The following FAM83E variants were observed in gnomAD, a reference collection of about 807,000 sequenced individuals.
The protein encoded by FAM83E is scaffolding CK1 anchoring protein E.
FAM83E carries 29 observed loss-of-function variants against 34.3 expected under a neutral mutation model. That is an observed-to-expected ratio of 0.85 (90% CI 0.63 to 1.15). The LOEUF (loss-of-function observed/expected upper bound fraction) is 1.15, where lower values mean the gene tolerates loss of function less well. Among genes scored for constraint, FAM83E ranks in the 50% most tolerant of loss-of-function variants. The probability of loss-of-function intolerance (pLI) is 0.00; values close to 1 mark genes in which losing one functional copy is unlikely to be tolerated. For synonymous variants in FAM83E, 312 were observed against 311.6 expected, an observed-to-expected ratio of 1.00 and a Z score of -0.01; for missense variants, 697 against 685.0, an observed-to-expected ratio of 1.02 and a Z score of -0.20.
chr19:48,608,012 ACAG>A (rs1162651689), intron 5 of FAM83E, among the ~76,000 whole-genome samples: 1 of 152,208 alleles, frequency 6.6e-6, no homozygotes, highest in African/African-American at 2.4e-5. Flanking sequence ...TGGACCAGAA[ACAG>A]CAGCAGCAGC....
intron 5 of FAM83E, among the ~76,000 whole-genome samples, chr19:48,604,628 C>T (rs1470175739): frequency 3.3e-5 from 5 of 150,324 alleles, no homozygotes; most frequent in Admixed American, 6.6e-5. Flanking sequence ...CACCCGTGCC[C>T]GGCTGAGCCT....
At chr19:48,604,139 G>C (rs1379683525) in intron 5 of FAM83E, among the ~76,000 whole-genome samples, 1 of 151,954 alleles carries the variant, frequency 6.6e-6, no homozygotes. Context: ...CAGGTGTGGT[G>C]ACTCACACTT....
At position 48,613,657 on chromosome 19, in the gene FAM83E, C is replaced by T. The variant is rs908299820; in HGVS notation, c.-285G>A. ...GTGGCACCATGCCTGGCTGGCCTTC[C>T]GTGACCTTCCTGCCAGCCGTCTCTG... On this transcript the variant is annotated 5_prime_UTR_variant, in exon 3 of 7. Coordinates refer to ENST00000263266, the MANE Select transcript of FAM83E (RefSeq NM_017708.4). The T allele has an allele frequency of 7.0e-6, 9 of 1,291,094 alleles. No individual in the cohort carries two copies. Among genetic ancestry groups the T allele is most frequent in the African/African-American group, 1.5e-5 (1 of 66,752 alleles). 80.0% of individuals were successfully genotyped at this position (1,291,094 alleles called of 1,614,324 possible).
At position 48,601,124 on chromosome 19, in the gene FAM83E, A is replaced by G. The variant is rs781232256; in HGVS notation, c.1422T>C (p.Leu474=). The change falls in exon 7 of 7, where the codon CTT becomes CTC. Residue 474 remains leucine, a synonymous_variant. Transcript: ENST00000263266. The part of the protein sequence containing the change: ...RPSDWAPRAG[L]GGQP ...GGGCTCCTGTTCAGGGTTGCCCCCC[A>G]AGTCCTGCCCGGGGGGCCCAGTCTG... 6.2e-7 allele frequency: 1 copy of G among 1,611,976 alleles called. No individual in the cohort carries two copies. Among genetic ancestry groups the G allele is most frequent in the South Asian group, 1.1e-5 (1 of 90,848 alleles).
In FAM83E at chr19:48,614,242, T is replaced by C. The variant is rs1601135248; in HGVS notation, c.-870A>G. 2.0e-6 allele frequency: 2 copies of C among 985,204 alleles called. No homozygotes were observed. The highest frequency in any genetic ancestry group is 3.5e-5 in the African/African-American group (2 of 57,136). 61.0% of individuals were successfully genotyped at this position (985,204 alleles called of 1,614,324 possible). A position where few individuals can be genotyped will look rare whatever the true frequency, so the allele number is the denominator to read the frequency against. The stretch of plus-strand genomic sequence containing the variant: ...TGAAATGCGCTACAGGGGTCTCCAT[T>C]ACTATGGGACAGGTCTATGATCTTC... On this transcript the variant is annotated 5_prime_UTR_variant, in exon 3 of 7. Transcript: ENST00000263266.
In FAM83E at chr19:48,613,670, C is replaced by T; in HGVS notation, c.-298G>A. 1 of 1,269,644 alleles carries T rather than the reference C, an allele frequency of 7.9e-7. No individual in the cohort carries two copies. The highest frequency in any genetic ancestry group is 1.0e-6 in the Non-Finnish European group (1 of 1,003,198). 78.6% of individuals were successfully genotyped at this position (1,269,644 alleles called of 1,614,324 possible). A position where few individuals can be genotyped will look rare whatever the true frequency, so the allele number is the denominator to read the frequency against. On this transcript the variant is annotated 5_prime_UTR_variant, in exon 3 of 7. Transcript: ENST00000263266. Reference sequence around the variant, plus strand: ...TGGCTGGCCTTCCGTGACCTTCCTGCCAGCCGTCTCTGCTGGTCAGGTTGA... The same window carrying T: ...TGGCTGGCCTTCCGTGACCTTCCTGTCAGCCGTCTCTGCTGGTCAGGTTGA...
chr19:48,614,897 T>TGGA (rs777486682), intron 1 of FAM83E, 40 bp downstream of exon 1: 1 of 641,508 alleles, frequency 1.6e-6, no homozygotes, highest in African/African-American at 2.0e-5. Context: ...CACAGGCCCC[T>TGGA]GGAGGAGGTC....
chr19:48,614,179 A>C lies in FAM83E; in HGVS notation c.-807T>G. On this transcript the variant is annotated 5_prime_UTR_variant, in exon 3 of 7. Coordinates refer to ENST00000263266, the MANE Select transcript of FAM83E (RefSeq NM_017708.4). ...GTCAATGGGGGACCCTGCTCCCTGG[A>C]CCCTCCTCACACTCCTTCCAGCTGC... 1.0e-6 allele frequency: 1 copy of C among 985,510 alleles called. No homozygotes were observed. The highest frequency in any genetic ancestry group is 1.2e-6 in the Non-Finnish European group (1 of 830,070). The allele number at this position is 985,510 out of a possible 1,614,324, so 61.0% of individuals were successfully genotyped here. A position where few individuals can be genotyped will look rare whatever the true frequency, so the allele number is the denominator to read the frequency against.
intron 5 of FAM83E, among the ~76,000 whole-genome samples, chr19:48,605,415 A>C (rs537364301): frequency 1.3e-5 from 2 of 152,212 alleles, no homozygotes; most frequent in South Asian, 4.1e-4. Context: ...TCTATAAAAA[A>C]TTTTACAAAA....
At chr19:48,610,586 T>C (rs2147647342) in intron 4 of FAM83E, 94 bp downstream of exon 4, 2 of 1,392,080 alleles carry the variant, frequency 1.4e-6, no homozygotes, top group East Asian at 2.5e-5. Context: ...CTAGCATCCA[T>C]CTCAATGACC....
chr19:48,610,977 G>C (rs539769157), intron 3 of FAM83E, 130 bp from the exon 4 acceptor site: 2 of 945,526 alleles, frequency 2.1e-6, no homozygotes, highest in Admixed American at 2.6e-5. Flanking sequence ...TTAAAGTTCA[G>C]GTGGGCTAAA....
chr19:48,607,132 G>A (rs766174480), intron 5 of FAM83E: 6 of 1,612,810 alleles, frequency 3.7e-6, no homozygotes, highest in Middle Eastern at 1.6e-4. Flanking sequence ...CACAGGCCAC[G>A]GGGTCGCCCC....
At position 48,614,072 on chromosome 19, in the gene FAM83E, G is replaced by A. The variant is rs945582700; in HGVS notation, c.-700C>T. 2.3e-5 allele frequency: 23 copies of A among 985,448 alleles called. No individual in the cohort carries two copies. The highest frequency in any genetic ancestry group is 4.7e-5 in the South Asian group (1 of 21,286). 61.0% of individuals were successfully genotyped at this position (985,448 alleles called of 1,614,324 possible). On this transcript the variant is annotated 5_prime_UTR_variant, in exon 3 of 7. Coordinates refer to ENST00000263266, the MANE Select transcript of FAM83E (RefSeq NM_017708.4). ...TTCTCCTGCTCATCAGCTCTCACCC[G>A]CAGACCAGCCAGGATGCCTCTCCAC...
Position 48,601,045 on chromosome 19 carries a change from C to T in FAM83E, c.*64G>A. 6.5e-7 allele frequency: 1 copy of T among 1,539,226 alleles called. No homozygotes were observed. Among genetic ancestry groups the T allele is most frequent in the Non-Finnish European group, 8.7e-7 (1 of 1,145,170 alleles). On this transcript the variant is annotated 3_prime_UTR_variant, in exon 7 of 7. Coordinates refer to ENST00000263266, the MANE Select transcript of FAM83E (RefSeq NM_017708.4). ...AGGCAGGGCATTGAGGCAGAGGGCT[C>T]TGAGCCGACAGTTGTCCGGCACTGC...
chr19:48,603,407 G>A (rs1051489147), intron 6 of FAM83E, 87 bp downstream of exon 6: 4 of 1,285,224 alleles, frequency 3.1e-6, no homozygotes, highest in South Asian at 1.8e-5. Flanking sequence ...CTGGGAGCAG[G>A]GCCCCTGGAG....
At chr19:48,609,825 G>A (rs1212757494) in intron 5 of FAM83E, 51 bp downstream of exon 5, 2 of 1,580,740 alleles carry the variant, frequency 1.3e-6, no homozygotes, top group Admixed American at 1.7e-5. Context: ...CACACTGAGG[G>A]AAAGTGGGGT....
At chr19:48,610,651 C>T in intron 4 of FAM83E, 29 bp downstream of exon 4, 1 of 1,546,930 alleles carries the variant, frequency 6.5e-7, no homozygotes, top group Non-Finnish European at 8.7e-7. Flanking sequence ...GGAATGGGGA[C>T]TCACAGGACC....
intron 5 of FAM83E, chr19:48,607,495 C>T: frequency 8.5e-7 from 1 of 1,181,212 alleles, no homozygotes; most frequent in Non-Finnish European, 1.2e-6. Context: ...GGCTGTCCAC[C>T]AGGAGCCCGG....
Position 48,614,285 on chromosome 19 carries a change from G to T in FAM83E, c.-913C>A. 1.0e-6 allele frequency: 1 copy of T among 985,560 alleles called. No individual in the cohort carries two copies. The highest frequency in any genetic ancestry group is 4.7e-5 in the South Asian group (1 of 21,294). 61.1% of individuals were successfully genotyped at this position (985,560 alleles called of 1,614,324 possible). ...TGATCTTCACAGCCCATCTAGGTGT[G>T]AGTGCCACCTAACCAGCCACCCTCC... On this transcript the variant is annotated 5_prime_UTR_variant, in exon 3 of 7. Coordinates refer to ENST00000263266, the MANE Select transcript of FAM83E (RefSeq NM_017708.4).
Sources: gnomAD v4.1 joint callset for allele counts (sites outside exome capture counted in the v4.1 genomes callset) on GRCh38, gnomAD v4.1.1 for gene constraint, MANE v1.5 for transcripts, NCBI Gene and HGNC (gene_info 2026-07-23, HGNC 2026-07-21) for gene names.